The following ST7 variants were observed in gnomAD, a reference collection of about 807,000 sequenced individuals.
ST7 encodes the protein suppressor of tumorigenicity 7 protein.
A neutral mutation model predicts 78.7 loss-of-function variants in ST7; 28 were observed. The ratio of observed to expected loss-of-function variants is 0.36; its 90% CI spans 0.26 to 0.49. ST7 has a LOEUF of 0.49. ST7 is among the 20% of genes least tolerant of loss of function. The probability of loss-of-function intolerance (pLI) is 0.99; values close to 1 mark genes in which losing one functional copy is unlikely to be tolerated. For missense variants in ST7, 418 were observed against 696.0 expected (o/e 0.60, Z 4.49); for synonymous variants, 247 against 249.6 (o/e 0.99, Z 0.10).
chr7:117,216,427 G>A (rs1792696014), intron 13 of ST7, among the ~76,000 whole-genome samples: 1 of 151,984 alleles, frequency 6.6e-6, no homozygotes, highest in Admixed American at 6.5e-5. Flanking sequence ...GGATTTTTAG[G>A]TCTGTATTCA....
chr7:116,983,074 T>C (rs766307393), intron 1 of ST7, among the ~76,000 whole-genome samples: 2 of 152,130 alleles, frequency 1.3e-5, no homozygotes, highest in Non-Finnish European at 2.9e-5. Flanking sequence ...AATTTTGTAT[T>C]TTGAGTAGAG....
At chr7:116,972,780 C>G (rs1318690240) in intron 1 of ST7, 4 of 948,144 alleles carry the variant, frequency 4.2e-6, no homozygotes, top group Non-Finnish European at 6.9e-6. Context: ...CAGCCTCAGC[C>G]TGTTCCTGGG....
At chr7:117,181,082 A>T (rs1808721563) in intron 10 of ST7, among the ~76,000 whole-genome samples, 1 of 152,170 alleles carries the variant, frequency 6.6e-6, no homozygotes. Context: ...AAAACTGGAA[A>T]ATGGTTCGTG....
chr7:117,031,380 A>G (rs13235515), intron 1 of ST7, among the ~76,000 whole-genome samples: 7 of 57,796 alleles, frequency 1.2e-4, no homozygotes, highest in African/African-American at 3.7e-4. Context: ...ATATGTGTGT[A>G]TATATGTGTA....
intron 1 of ST7, chr7:116,972,683 G>T: frequency 9.9e-7 from 1 of 1,011,468 alleles, no homozygotes; most frequent in Non-Finnish European, 1.6e-6. Flanking sequence ...GCTTCTTCCA[G>T]CTTTTGCAGG....
At chr7:116,959,327 G>T (rs1219853080) in intron 1 of ST7, 4 of 464,908 alleles carry the variant, frequency 8.6e-6, no homozygotes, top group South Asian at 1.6e-5. Context: ...CATGCCTGCA[G>T]TTACTTTATC....
intron 1 of ST7, among the ~76,000 whole-genome samples, chr7:117,046,616 G>T (rs1222507261): frequency 6.6e-6 from 1 of 151,910 alleles, no homozygotes; most frequent in African/African-American, 2.4e-5. Context: ...ATTCTTCTTT[G>T]TTTTACCAAT....
chr7:117,068,396 T>A (rs1348073380), intron 1 of ST7, among the ~76,000 whole-genome samples: 2 of 152,252 alleles, frequency 1.3e-5, no homozygotes, highest in Non-Finnish European at 2.9e-5. Context: ...TAGCAATGGC[T>A]AAGAATGATT....
At chr7:117,227,509 C>A (rs777340687) in intron 15 of ST7, among the ~76,000 whole-genome samples, 2 of 152,076 alleles carry the variant, frequency 1.3e-5, no homozygotes, top group Non-Finnish European at 2.9e-5. Flanking sequence ...GTTTGTGGAG[C>A]CTTGGTAGTC....
intron 1 of ST7, among the ~76,000 whole-genome samples, chr7:117,053,031 A>C (rs1440682947): frequency 6.6e-6 from 1 of 152,214 alleles, no homozygotes; most frequent in East Asian, 1.9e-4. Flanking sequence ...TTACTCAAAG[A>C]CAACATTTTA....
intron 1 of ST7, among the ~76,000 whole-genome samples, chr7:117,027,463 A>AAAAGTAAAGTAAAAGT (rs1554427205): frequency 7.1e-6 from 1 of 140,630 alleles, no homozygotes; most frequent in Non-Finnish European, 1.5e-5. Context: ...AAAGTAAAGT[A>AAAAGTAAAGTAAAAGT]AAAGTAAAGT....
At chr7:117,169,217 C>A (rs1326348012) in intron 9 of ST7, among the ~76,000 whole-genome samples, 1 of 151,132 alleles carries the variant, frequency 6.6e-6, no homozygotes, top group Non-Finnish European at 1.5e-5. Context: ...CTCACTGCAA[C>A]CTCCACCTCC....
chr7:117,014,793 A>T (rs1480939043), intron 1 of ST7: 7 of 371,016 alleles, frequency 1.9e-5, no homozygotes. Context: ...TCTGAGAGAC[A>T]TTTCTAAGGA....
intron 1 of ST7, among the ~76,000 whole-genome samples, chr7:117,089,127 C>T (rs1459564293): frequency 6.6e-6 from 1 of 152,212 alleles, no homozygotes; most frequent in Non-Finnish European, 1.5e-5. Context: ...CTCCATCCAG[C>T]CCATGGCTGA....
intron 6 of ST7, among the ~76,000 whole-genome samples, chr7:117,133,560 GTTGT>G (rs1379920491): frequency 6.6e-6 from 1 of 151,406 alleles, no homozygotes; most frequent in Non-Finnish European, 1.5e-5. Context: ...ATGTTATTAT[GTTGT>G]TTGTCTTTTT....
intron 1 of ST7, among the ~76,000 whole-genome samples, chr7:117,045,567 G>T (rs2429032): frequency 0.21 from 31,739 of 151,954 alleles, 6,232 homozygotes; most frequent in African/African-American, 0.52. Context: ...CTCATCTCTC[G>T]TACCCTATTT....
chr7:117,168,798 T>C (rs1807760733), intron 9 of ST7, among the ~76,000 whole-genome samples: 1 of 152,212 alleles, frequency 6.6e-6, no homozygotes, highest in Admixed American at 6.5e-5. Context: ...CAAAACAATA[T>C]GGTAAATGTT....
chr7:117,168,957 T>A (rs144624484), intron 9 of ST7, among the ~76,000 whole-genome samples: 1 of 152,192 alleles, frequency 6.6e-6, no homozygotes, highest in Non-Finnish European at 1.5e-5. Flanking sequence ...TTTTAGAGGT[T>A]GTTATGTTAT....
At position 117,062,107 on chromosome 7, in the gene ST7, G is replaced by C. The variant is rs147784780; in HGVS notation, c.152-37655G>C. On this transcript the variant is annotated intron_variant, in intron 1 of 15. Coordinates refer to ENST00000323984, the MANE Select transcript of ST7 (RefSeq NM_001369598.1). ...TTCTTGCAGTGTCTTCACAGGGTGA[G>C]GGGGGAAAGGTGGGAGAGAGGGAGA... Among the ~76,000 whole-genome samples the C allele has an allele frequency of 1.4e-3, 215 of 152,240 alleles. 1 individual carries two copies. Among genetic ancestry groups the C allele is most frequent in the African/African-American group, 5.1e-3 (211 of 41,536 alleles).
Sources: allele counts gnomAD v4.1 joint callset (sites outside exome capture counted in the v4.1 genomes callset), GRCh38; gene constraint gnomAD v4.1.1; transcripts MANE v1.5; gene names NCBI Gene and HGNC (gene_info 2026-07-23, HGNC 2026-07-21).